Variants in NRG1 observed in about 807,000 individuals in gnomAD.
NRG1 encodes the protein neuregulin 1, also known as pro-neuregulin-1, membrane-bound isoform.
NRG1 carries 18 observed loss-of-function variants against 63.8 expected under a neutral mutation model. The observed-to-expected ratio is 0.28, with a 90% CI of 0.19 to 0.42. The LOEUF is 0.42. Ranked by LOEUF, NRG1 falls within the 10% of genes least tolerant of loss-of-function variation. NRG1 has a pLI of 1.00. For missense variants in NRG1, 762 were observed against 814.7 expected (o/e 0.94, Z 0.79); for synonymous variants, 302 against 301.3 (o/e 1.00, Z -0.02).
intron 1 of NRG1, among the ~76,000 whole-genome samples, chr8:32,044,980 C>A (rs528670726): frequency 1.6e-4 from 21 of 132,144 alleles, no homozygotes; most frequent in Non-Finnish European, 2.8e-4. Context: ...GAGCATACAT[C>A]AATAAAACTG....
chr8:32,389,100 T>C (rs1334694225), intron 1 of NRG1, among the ~76,000 whole-genome samples: 1 of 152,206 alleles, frequency 6.6e-6, no homozygotes, highest in Non-Finnish European at 1.5e-5. Flanking sequence ...CGCCAAATTG[T>C]CTTAAAACGT....
chr8:32,421,449 G>T (rs1367686682), intron 1 of NRG1, among the ~76,000 whole-genome samples: 1 of 152,120 alleles, frequency 6.6e-6, no homozygotes, highest in Non-Finnish European at 1.5e-5. Flanking sequence ...GATAATTGCT[G>T]GGCAGCTAGA....
chr8:32,760,629 T>TA (rs957236878), intron 11 of NRG1: 152 of 1,350,476 alleles, frequency 1.1e-4, no homozygotes, highest in Non-Finnish European at 1.3e-4. Flanking sequence ...AACAGACTCT[T>TA]AAAGAGCTGG....
chr8:32,768,250 G>A (rs1831571184), downstream of NRG1, among the ~76,000 whole-genome samples: 1 of 152,124 alleles, frequency 6.6e-6, no homozygotes, highest in Admixed American at 6.5e-5. Flanking sequence ...AATATTCTAG[G>A]GCATGACTGC....
At chr8:32,455,985 T>C (rs1247648767) in intron 1 of NRG1, among the ~76,000 whole-genome samples, 1 of 152,198 alleles carries the variant, frequency 6.6e-6, no homozygotes, top group East Asian at 1.9e-4. Context: ...GTTTTCACCA[T>C]GGTGGCCACG....
intron 9 of NRG1, 135 bp downstream of exon 9, chr8:32,756,664 G>C: frequency 7.8e-7 from 1 of 1,275,140 alleles, no homozygotes; most frequent in East Asian, 2.5e-5. Context: ...CCAGGTTTTT[G>C]CCAGGAGAAA....
chr8:31,739,463 T>G (rs890120838), intron 1 of NRG1, among the ~76,000 whole-genome samples: 5 of 152,116 alleles, frequency 3.3e-5, no homozygotes, highest in Non-Finnish European at 7.4e-5. Context: ...TCCGAGCTAA[T>G]TTTATTACTT....
intron 1 of NRG1, among the ~76,000 whole-genome samples, chr8:32,267,798 G>A (rs1159631): frequency 0.97 from 147,888 of 152,282 alleles, 71,837 homozygotes; most frequent in Middle Eastern, 1. Context: ...TGTTATACCT[G>A]TATTTATGCA....
chr8:32,598,639 G>C (rs1035403288), intron 2 of NRG1, among the ~76,000 whole-genome samples: 2 of 152,110 alleles, frequency 1.3e-5, no homozygotes, highest in Non-Finnish European at 2.9e-5. Context: ...AAAATGTATT[G>C]AAGTGATGCA....
chr8:32,391,806 CA>C (rs1811804841), intron 1 of NRG1, among the ~76,000 whole-genome samples: 2 of 151,928 alleles, frequency 1.3e-5, no homozygotes, highest in Non-Finnish European at 2.9e-5. Flanking sequence ...TTTTAATTGA[CA>C]AAAATAATAA....
intron 1 of NRG1, among the ~76,000 whole-genome samples, chr8:31,648,100 T>C (rs1804457146): frequency 6.6e-6 from 1 of 150,558 alleles, no homozygotes; most frequent in Non-Finnish European, 1.5e-5. Flanking sequence ...CATTCTACTT[T>C]CTGTCTTTAC....
chr8:32,157,884 A>G (rs191275955), intron 1 of NRG1, among the ~76,000 whole-genome samples: 4 of 152,140 alleles, frequency 2.6e-5, no homozygotes, highest in African/African-American at 4.8e-5. Context: ...GGTAATTACA[A>G]TTGGGACAGG....
chr8:32,525,727 C>T (rs1256501056), intron 1 of NRG1, among the ~76,000 whole-genome samples: 8 of 152,056 alleles, frequency 5.3e-5, no homozygotes, highest in African/African-American at 1.4e-4. Flanking sequence ...CACCAACACC[C>T]GCCCCCTTTC....
intron 1 of NRG1, among the ~76,000 whole-genome samples, chr8:32,509,120 T>TG (rs1252325040): frequency 5.8e-4 from 87 of 151,062 alleles, no homozygotes; most frequent in African/African-American, 2.0e-3. Context: ...TTTTATTTTT[T>TG]GCGACAGGGT....
chr8:31,891,616 C>T (rs1435301941), intron 1 of NRG1, among the ~76,000 whole-genome samples: 1 of 152,094 alleles, frequency 6.6e-6, no homozygotes, highest in Non-Finnish European at 1.5e-5. Context: ...CCATATGACC[C>T]AGCAATTGCA....
chr8:31,789,202 C>T (rs750492070), intron 1 of NRG1, among the ~76,000 whole-genome samples: 1 of 152,112 alleles, frequency 6.6e-6, no homozygotes, highest in African/African-American at 2.4e-5. Context: ...AGTTGTAGAG[C>T]CTGTGTAGAA....
chr8:31,742,455 ATTTTTT>A lies in NRG1; in HGVS notation c.37+103045_37+103050del, dbSNP rs36040084. Reference sequence around the variant, plus strand: ...GCAACGACAGACAACTTTTTTAAGAATTTTTTTTTTTTTTTTTTTTTTTTTTAACGA... The same window carrying A: ...GCAACGACAGACAACTTTTTTAAGAATTTTTTTTTTTTTTTTTTTTAACGA... On this transcript the variant is annotated intron_variant, in intron 1 of 10. Transcript: ENST00000519301. Among the ~76,000 whole-genome samples the A allele has an allele frequency of 2.0e-3, 157 of 80,028 alleles. 1 individual carries two copies. Among genetic ancestry groups the A allele is most frequent in the Middle Eastern group, 0.02 (2 of 102 alleles). The allele number at this position is 80,028 out of a possible 152,430, so 52.5% of individuals were successfully genotyped here. A position where few individuals can be genotyped will look rare whatever the true frequency, so the allele number is the denominator to read the frequency against.
chr8:32,727,717 T>C (rs1260888118), intron 5 of NRG1, among the ~76,000 whole-genome samples: 1 of 152,214 alleles, frequency 6.6e-6, no homozygotes, highest in South Asian at 2.1e-4. Context: ...CCTCTTTTCC[T>C]ATTTAGTTAT....
At chr8:32,503,234 C>CCGAGATGG (rs542892681) in intron 1 of NRG1, among the ~76,000 whole-genome samples, 5 of 129,566 alleles carry the variant, frequency 3.9e-5, no homozygotes, top group African/African-American at 1.5e-4. Context: ...TTGCAGTAAG[C>CCGAGATGG]CGAGATGGTG....
Sources: allele counts gnomAD v4.1 joint callset (sites outside exome capture counted in the v4.1 genomes callset), GRCh38; gene constraint gnomAD v4.1.1; transcripts MANE v1.5; gene names NCBI Gene and HGNC (gene_info 2026-07-23, HGNC 2026-07-21).